PPP2R2B: variants seen among roughly 807,000 people sequenced by gnomAD.
PPP2R2B encodes the protein serine/threonine-protein phosphatase 2A 55 kDa regulatory subunit B beta isoform.
Under a neutral mutation model 46.0 loss-of-function variants are expected in PPP2R2B, and 5 were observed. The observed-to-expected ratio is 0.11, with a 90% CI of 0.06 to 0.23. The LOEUF (loss-of-function observed/expected upper bound fraction) is 0.23, where lower values mean the gene tolerates loss of function less well. Ranked by LOEUF, PPP2R2B falls within the 10% of genes least tolerant of loss-of-function variation. PPP2R2B has a pLI of 1.00. For missense variants in PPP2R2B, 367 were observed against 575.0 expected (o/e 0.64, Z 3.70); for synonymous variants, 215 against 206.7 (o/e 1.04, Z -0.34).
At chr5:146,663,964 C>T (rs1776825853) in intron 5 of PPP2R2B, among the ~76,000 whole-genome samples, 1 of 152,160 alleles carries the variant, frequency 6.6e-6, no homozygotes, top group African/African-American at 2.4e-5. Flanking sequence ...GCCTCAGCCT[C>T]CCGAGCAGCT....
chr5:146,604,300 T>C (rs537710720), intron 7 of PPP2R2B, among the ~76,000 whole-genome samples: 8 of 152,236 alleles, frequency 5.3e-5, no homozygotes, highest in Non-Finnish European at 1.0e-4. Context: ...ATATCAGAGA[T>C]GTGCAAAATT....
At chr5:146,711,402 A>G (rs1481509796) in intron 2 of PPP2R2B, among the ~76,000 whole-genome samples, 1 of 152,224 alleles carries the variant, frequency 6.6e-6, no homozygotes, top group East Asian at 1.9e-4. Context: ...AGATGTAAAC[A>G]TTTACTTAAG....
intron 5 of PPP2R2B, among the ~76,000 whole-genome samples, chr5:146,659,338 C>T (rs1329202702): frequency 6.6e-6 from 1 of 152,178 alleles, no homozygotes; most frequent in Non-Finnish European, 1.5e-5. Flanking sequence ...CAGGAAAGTA[C>T]ATAGCTATTC....
chr5:146,682,160 A>G (rs1024752290), intron 5 of PPP2R2B, among the ~76,000 whole-genome samples: 1 of 152,176 alleles, frequency 6.6e-6, no homozygotes, highest in Admixed American at 6.5e-5. Context: ...TAACAAAGGT[A>G]CCTTTGGGAT....
At chr5:146,752,538 T>C (rs1399097812) in intron 2 of PPP2R2B, among the ~76,000 whole-genome samples, 2 of 152,188 alleles carry the variant, frequency 1.3e-5, no homozygotes, top group African/African-American at 2.4e-5. Flanking sequence ...AAGTGCCATG[T>C]CTGCTTAGTT....
At chr5:146,633,538 T>G (rs547672902) in intron 7 of PPP2R2B, among the ~76,000 whole-genome samples, 3 of 152,372 alleles carry the variant, frequency 2.0e-5, no homozygotes, top group Non-Finnish European at 2.9e-5. Flanking sequence ...TGAAGAAGGT[T>G]GGTTCTTTGA....
At chr5:146,671,312 C>T (rs10463386) in intron 5 of PPP2R2B, among the ~76,000 whole-genome samples, 1 of 152,136 alleles carries the variant, frequency 6.6e-6, no homozygotes, top group African/African-American at 2.4e-5. Context: ...TAGAAAAACA[C>T]GTCTCTGTCC....
chr5:146,839,182 A>G (rs928263284), intron 2 of PPP2R2B, among the ~76,000 whole-genome samples: 10 of 152,166 alleles, frequency 6.6e-5, no homozygotes, highest in Non-Finnish European at 1.5e-5. Flanking sequence ...AACATTACTT[A>G]TGCAATACTC....
intron 5 of PPP2R2B, among the ~76,000 whole-genome samples, chr5:146,684,108 G>T (rs1433482505): frequency 1.3e-5 from 2 of 152,180 alleles, no homozygotes; most frequent in African/African-American, 4.8e-5. Context: ...ATTTTTCACT[G>T]CAGTAGCTAA....
At chr5:147,038,462 T>C (rs1313154936) in intron 1 of PPP2R2B, among the ~76,000 whole-genome samples, 1 of 152,212 alleles carries the variant, frequency 6.6e-6, no homozygotes, top group African/African-American at 2.4e-5. Flanking sequence ...ATTACATTGA[T>C]AATTTTTCAA....
intron 5 of PPP2R2B, among the ~76,000 whole-genome samples, chr5:146,655,634 C>T (rs1023152331): frequency 1.4e-4 from 21 of 152,168 alleles, no homozygotes; most frequent in African/African-American, 4.3e-4. Context: ...TGAGGCAGGG[C>T]GAGTACTCAG....
chr5:146,689,428 G>A (rs1485257922), intron 5 of PPP2R2B, among the ~76,000 whole-genome samples: 2 of 152,162 alleles, frequency 1.3e-5, no homozygotes, highest in African/African-American at 4.8e-5. Flanking sequence ...AAATACCATT[G>A]TGTTATAATT....
chr5:146,771,317 G>C (rs773579375), intron 2 of PPP2R2B, among the ~76,000 whole-genome samples: 1 of 152,226 alleles, frequency 6.6e-6, no homozygotes, highest in Non-Finnish European at 1.5e-5. Context: ...ACAATCTGGA[G>C]ACAGATGATA....
At chr5:146,848,228 T>C (rs1186318847) in intron 2 of PPP2R2B, among the ~76,000 whole-genome samples, 4 of 152,232 alleles carry the variant, frequency 2.6e-5, no homozygotes, top group African/African-American at 9.6e-5. Flanking sequence ...AGCTCTTCTA[T>C]ACCTCTTGCA....
At chr5:147,054,950 T>C (rs1757004097) in intron 1 of PPP2R2B, among the ~76,000 whole-genome samples, 1 of 152,136 alleles carries the variant, frequency 6.6e-6, no homozygotes, top group African/African-American at 2.4e-5. Flanking sequence ...CAGTGCTTAG[T>C]TGAAAGGGAA....
At chr5:146,746,378 G>A (rs1753192264) in intron 2 of PPP2R2B, among the ~76,000 whole-genome samples, 1 of 43,806 alleles carries the variant, frequency 2.3e-5, no homozygotes, top group South Asian at 6.7e-4. Context: ...TTTGGACTGG[G>A]AGTTTAAAAA....
intron 1 of PPP2R2B, among the ~76,000 whole-genome samples, chr5:147,039,758 C>T (rs919119522): frequency 2.6e-5 from 4 of 152,104 alleles, no homozygotes; most frequent in African/African-American, 9.7e-5. Flanking sequence ...TAATGCTTGC[C>T]ATGATTAATC....
intron 1 of PPP2R2B, among the ~76,000 whole-genome samples, chr5:147,038,783 T>C (rs1756159245): frequency 6.6e-6 from 1 of 152,176 alleles, no homozygotes; most frequent in South Asian, 2.1e-4. Context: ...CAACGTCACT[T>C]AGCTAGTAGG....
chr5:146,755,830 G>A (rs1387452610), intron 2 of PPP2R2B, among the ~76,000 whole-genome samples: 1 of 152,128 alleles, frequency 6.6e-6, no homozygotes, highest in Non-Finnish European at 1.5e-5. Context: ...CCAAGGCAAG[G>A]ACCCTGATCC....
Sources: gnomAD v4.1 joint callset for allele counts (sites outside exome capture counted in the v4.1 genomes callset) on GRCh38, gnomAD v4.1.1 for gene constraint, MANE v1.5 for transcripts, NCBI Gene and HGNC (gene_info 2026-07-23, HGNC 2026-07-21) for gene names.